ZFYVE9: variants seen among roughly 807,000 people sequenced by gnomAD.
ZFYVE9 encodes zinc finger FYVE domain-containing protein 9.
A neutral mutation model predicts 126.7 loss-of-function variants in ZFYVE9; 43 were observed. The observed-to-expected ratio is 0.34, with a 90% CI of 0.27 to 0.44. The LOEUF (loss-of-function observed/expected upper bound fraction) is 0.44, where lower values mean the gene tolerates loss of function less well. Among genes scored for constraint, ZFYVE9 ranks in the 20% least tolerant of loss-of-function variants. The probability of loss-of-function intolerance (pLI) is 1.00; values close to 1 mark genes in which losing one functional copy is unlikely to be tolerated. For synonymous variants in ZFYVE9, 521 were observed against 597.4 expected (o/e 0.87, Z 1.87); for missense variants, 1,476 against 1,697.0 (o/e 0.87, Z 2.29).
At chr1:52,288,952 A>G (rs35710590) in intron 10 of ZFYVE9, among the ~76,000 whole-genome samples, 1 of 151,686 alleles carries the variant, frequency 6.6e-6, no homozygotes, top group Non-Finnish European at 1.5e-5. Context: ...AAAAAGAAAA[A>G]GAAATATTAG....
chr1:52,178,751 A>G (rs953753561), intron 1 of ZFYVE9, among the ~76,000 whole-genome samples: 9 of 152,218 alleles, frequency 5.9e-5, no homozygotes, highest in Non-Finnish European at 1.0e-4. Context: ...GCCAGAGACA[A>G]TAATATAAAT....
chr1:52,338,871 C>T (rs958193501), intron 16 of ZFYVE9, among the ~76,000 whole-genome samples: 7 of 151,860 alleles, frequency 4.6e-5, no homozygotes, highest in African/African-American at 7.3e-5. Context: ...ATCAGCTGGG[C>T]GTGGTGGTAC....
At chr1:52,231,828 C>T (rs1572119236) in intron 2 of ZFYVE9, among the ~76,000 whole-genome samples, 6 of 151,906 alleles carry the variant, frequency 3.9e-5, no homozygotes, top group South Asian at 2.1e-4. Context: ...GGTTTCACCA[C>T]GTTGGCCAGG....
chr1:52,181,775 AC>A (rs1225566899), intron 1 of ZFYVE9, among the ~76,000 whole-genome samples: 1 of 143,106 alleles, frequency 7.0e-6, no homozygotes, highest in Non-Finnish European at 1.5e-5. Flanking sequence ...CCTGGCTGCG[AC>A]CCCGTCTGGG....
intron 1 of ZFYVE9, among the ~76,000 whole-genome samples, chr1:52,181,786 G>T (rs894957692): frequency 1.6e-4 from 25 of 151,996 alleles, no homozygotes; most frequent in African/African-American, 6.0e-4. Context: ...CCCCGTCTGG[G>T]AGGTGAGGAG....
At chr1:52,220,651 G>T (rs1645115968) in intron 2 of ZFYVE9, among the ~76,000 whole-genome samples, 1 of 152,126 alleles carries the variant, frequency 6.6e-6, no homozygotes, top group South Asian at 2.1e-4. Context: ...ATAGCTTGAG[G>T]ACCCCAGTGA....
At chr1:52,210,515 A>G (rs998919689) in intron 1 of ZFYVE9, among the ~76,000 whole-genome samples, 1 of 152,156 alleles carries the variant, frequency 6.6e-6, no homozygotes, top group South Asian at 2.1e-4. Flanking sequence ...AAATGTTTAT[A>G]TGAGATTGGT....
chr1:52,172,741 G>A (rs1644585590), intron 1 of ZFYVE9, among the ~76,000 whole-genome samples: 1 of 151,358 alleles, frequency 6.6e-6, no homozygotes, highest in African/African-American at 2.4e-5. Flanking sequence ...GGATTCCTAA[G>A]TATTTTATTC....
intron 2 of ZFYVE9, among the ~76,000 whole-genome samples, chr1:52,223,499 G>A (rs1214896686): frequency 3.3e-5 from 5 of 152,132 alleles, no homozygotes; most frequent in Non-Finnish European, 5.9e-5. Flanking sequence ...TCCTCTATGG[G>A]ATGGTCTTTC....
At chr1:52,268,321 G>A in intron 6 of ZFYVE9, 142 bp from the exon 7 acceptor site, 2 of 771,326 alleles carry the variant, frequency 2.6e-6, no homozygotes, top group Non-Finnish European at 4.1e-6. Flanking sequence ...TTTATATACA[G>A]TTACATTTCT....
chr1:52,216,739 T>C (rs1645075453), intron 2 of ZFYVE9, among the ~76,000 whole-genome samples: 1 of 152,232 alleles, frequency 6.6e-6, no homozygotes, highest in Admixed American at 6.5e-5. Context: ...TTGTTGACCA[T>C]AGAAAGGTAA....
intron 7 of ZFYVE9, among the ~76,000 whole-genome samples, chr1:52,271,030 AATT>A (rs1354556824): frequency 2.0e-5 from 3 of 152,156 alleles, no homozygotes; most frequent in Non-Finnish European, 4.4e-5. Context: ...CTCTATATAA[AATT>A]AAAAAATTAG....
At chr1:52,279,165 C>T (rs891899349) in intron 9 of ZFYVE9, among the ~76,000 whole-genome samples, 2 of 152,250 alleles carry the variant, frequency 1.3e-5, no homozygotes, top group African/African-American at 4.8e-5. Flanking sequence ...TAGGTGAATT[C>T]TCCATGGATG....
chr1:52,233,962 G>T (rs989485743), intron 3 of ZFYVE9, among the ~76,000 whole-genome samples: 4 of 151,970 alleles, frequency 2.6e-5, no homozygotes, highest in African/African-American at 7.3e-5. Context: ...TGTATTTTTA[G>T]TACAGAAGGG....
intron 1 of ZFYVE9, among the ~76,000 whole-genome samples, chr1:52,187,948 T>C (rs556995179): frequency 1.9e-4 from 29 of 152,324 alleles, no homozygotes; most frequent in African/African-American, 7.0e-4. Flanking sequence ...AACAGAACTA[T>C]CATTTGACCA....
In ZFYVE9 at chr1:52,255,568, A is replaced by G. The variant is rs1431270913; in HGVS notation, c.2179-8205A>G. ...CCATTGCACTCCAGCCTGGGCAACA[A>G]GAGCAAAACCATCTCAAAAAAAAAA... On this transcript the variant is annotated intron_variant, in intron 4 of 18. Transcript: ENST00000287727. Among the ~76,000 whole-genome samples the G allele has an allele frequency of 2.7e-5, 4 of 147,550 alleles. No individual in the cohort carries two copies. The East Asian group carries it at 8.0e-4, about 29-fold the overall frequency.
chr1:52,144,761 C>T (rs1644292924), intron 1 of ZFYVE9, among the ~76,000 whole-genome samples: 1 of 151,926 alleles, frequency 6.6e-6, no homozygotes, highest in African/African-American at 2.4e-5. Context: ...TTGAGAGCCT[C>T]CTGTGATAGC....
At chr1:52,161,437 G>T (rs749764550) in intron 1 of ZFYVE9, among the ~76,000 whole-genome samples, 1 of 152,058 alleles carries the variant, frequency 6.6e-6, no homozygotes, top group Admixed American at 6.6e-5. Context: ...CAGCAAGCAC[G>T]CACTACCACG....
At chr1:52,297,238 AT>A (rs1175103572) in intron 12 of ZFYVE9, among the ~76,000 whole-genome samples, 2 of 142,006 alleles carry the variant, frequency 1.4e-5, no homozygotes, top group Non-Finnish European at 3.1e-5. Flanking sequence ...TGAAAAAAAC[AT>A]TTCTTTTTTT....
Sources: gnomAD v4.1 joint callset for allele counts (sites outside exome capture counted in the v4.1 genomes callset) on GRCh38, gnomAD v4.1.1 for gene constraint, MANE v1.5 for transcripts, NCBI Gene and HGNC (gene_info 2026-07-23, HGNC 2026-07-21) for gene names.